Variants in RAD51B observed in about 807,000 individuals in gnomAD.
RAD51B encodes RAD51 paralog B, also known as DNA repair protein RAD51 homolog 2.
In RAD51B, 38 loss-of-function variants were observed where a neutral mutation model predicts 42.2. The observed-to-expected ratio is 0.90, with a 90% CI of 0.70 to 1.18. The LOEUF is 1.18. Ranked by LOEUF, RAD51B falls within the 50% of genes most tolerant of loss-of-function variation. The probability of loss-of-function intolerance (pLI) is 0.00; values close to 1 mark genes in which losing one functional copy is unlikely to be tolerated. For synonymous variants in RAD51B, 154 were observed against 145.2 expected, an observed-to-expected ratio of 1.06 and a Z score of -0.43; for missense variants, 373 against 400.7, an observed-to-expected ratio of 0.93 and a Z score of 0.59.
intron 10 of RAD51B, among the ~76,000 whole-genome samples, chr14:68,606,473 T>A (rs1891450920): frequency 6.6e-6 from 1 of 152,220 alleles, no homozygotes; most frequent in African/African-American, 2.4e-5. Context: ...AATATCACCA[T>A]CTTGTTTTAC....
chr14:68,504,500 CTGATCAT>C (rs935349682), intron 10 of RAD51B, among the ~76,000 whole-genome samples: 3 of 152,184 alleles, frequency 2.0e-5, no homozygotes, highest in Non-Finnish European at 4.4e-5. Flanking sequence ...ATCAGTGCCT[CTGATCAT>C]GAAGACTGGA....
chr14:68,098,943 C>G (rs1595394373), intron 7 of RAD51B, among the ~76,000 whole-genome samples: 1 of 152,124 alleles, frequency 6.6e-6, no homozygotes, highest in Non-Finnish European at 1.5e-5. Context: ...TTTCTGTGCT[C>G]CTATTATGTA....
chr14:67,848,165 G>A (rs955212730), intron 4 of RAD51B, among the ~76,000 whole-genome samples: 6 of 151,956 alleles, frequency 3.9e-5, no homozygotes, highest in Non-Finnish European at 5.9e-5. Context: ...TTACAGGCAC[G>A]TGCCACCACA....
intron 4 of RAD51B, among the ~76,000 whole-genome samples, chr14:67,846,801 T>C (rs2041631554): frequency 6.6e-6 from 1 of 152,138 alleles, no homozygotes; most frequent in Non-Finnish European, 1.5e-5. Flanking sequence ...CTCCTAAGGC[T>C]AAAGTCTCCT....
rs533295402 is a variant in RAD51B, at chr14:68,093,616, G to A, written c.757-198268G>A. ...TTTCTTCTTTATTAGTCTTGCTAGC[G>A]GTCTATCAATTTTGTTGATCTTTTC... On this transcript the variant is annotated intron_variant, in intron 7 of 10. Coordinates refer to ENST00000471583, the MANE Select transcript of RAD51B (RefSeq NM_133510.4). Among the ~76,000 whole-genome samples, 18 of 151,844 alleles carry A rather than the reference G, an allele frequency of 1.2e-4. No homozygotes were observed. In the South Asian group the frequency reaches 1.7e-3, roughly 14 times the overall value.
chr14:68,423,024 C>G (rs2084747339), intron 9 of RAD51B, among the ~76,000 whole-genome samples: 1 of 152,174 alleles, frequency 6.6e-6, no homozygotes, highest in Non-Finnish European at 1.5e-5. Flanking sequence ...GTTCTTGCAT[C>G]TCAGACAAAG....
chr14:68,383,004 T>C (rs767324304), intron 8 of RAD51B, among the ~76,000 whole-genome samples: 21 of 152,324 alleles, frequency 1.4e-4, no homozygotes, highest in South Asian at 1.0e-3. Context: ...CTTATTTTGA[T>C]TCCTCTTTCT....
chr14:68,214,940 G>C (rs554178575), intron 7 of RAD51B, among the ~76,000 whole-genome samples: 1 of 152,132 alleles, frequency 6.6e-6, no homozygotes. Context: ...TGAATCCTTG[G>C]GGGTTCTAAT....
chr14:68,358,403 T>C (rs1004182358), intron 8 of RAD51B, among the ~76,000 whole-genome samples: 10 of 152,224 alleles, frequency 6.6e-5, no homozygotes, highest in Middle Eastern at 3.2e-3. Flanking sequence ...TGATGATCGA[T>C]GGGTCCGAGG....
At chr14:67,850,681 G>GC (rs11369615) in intron 4 of RAD51B, among the ~76,000 whole-genome samples, 9,768 of 152,212 alleles carry the variant, frequency 0.064, 701 homozygotes, top group African/African-American at 0.18. Flanking sequence ...GCTGGGTAGA[G>GC]TGGATAACCT....
chr14:68,671,238 GGAA>G (rs1893151328), intron 11 of RAD51B, among the ~76,000 whole-genome samples: 1 of 152,212 alleles, frequency 6.6e-6, no homozygotes, highest in Admixed American at 6.5e-5. Context: ...GGAGATAGGA[GGAA>G]GAAGTCCAAG....
intron 7 of RAD51B, among the ~76,000 whole-genome samples, chr14:68,278,450 A>G (rs549768179): frequency 6.6e-6 from 1 of 152,320 alleles, no homozygotes; most frequent in Admixed American, 6.5e-5. Context: ...GGAGGTCTGT[A>G]ACTAAGGCAC....
intron 4 of RAD51B, among the ~76,000 whole-genome samples, chr14:67,841,799 C>T (rs1387809788): frequency 6.6e-6 from 1 of 152,094 alleles, no homozygotes; most frequent in South Asian, 2.1e-4. Context: ...GTACCAGTAC[C>T]ATGCCGTTTT....
At chr14:68,095,589 C>G (rs2077178328) in intron 7 of RAD51B, among the ~76,000 whole-genome samples, 1 of 152,064 alleles carries the variant, frequency 6.6e-6, no homozygotes, top group African/African-American at 2.4e-5. Context: ...TGCCCCATCC[C>G]CATTCATTTT....
downstream of RAD51B, among the ~76,000 whole-genome samples, chr14:68,600,396 T>C (rs1054997307): frequency 1.3e-5 from 2 of 152,186 alleles, no homozygotes; most frequent in African/African-American, 2.4e-5. Context: ...TGTCCACCCA[T>C]GTCTAGGGTA....
chr14:67,879,401 C>T (rs1194878562), intron 5 of RAD51B, among the ~76,000 whole-genome samples: 1 of 152,012 alleles, frequency 6.6e-6, no homozygotes, highest in East Asian at 1.9e-4. Context: ...TGTGGACTAG[C>T]CAAGTTGACA....
Position 68,572,940 on chromosome 14 carries a change from G to A in RAD51B, c.1037-21545G>A, listed in dbSNP as rs140592565. On this transcript the variant is annotated intron_variant, in intron 10 of 10. Coordinates refer to the RAD51B transcript ENST00000487270. ...GAATGGGTAGTAGCCCATCTTACGCGTGAGGAGACAAAAGCACAGAGAGAT... is the reference window on the plus strand; with the variant it reads ...GAATGGGTAGTAGCCCATCTTACGCATGAGGAGACAAAAGCACAGAGAGAT... Among the ~76,000 whole-genome samples, 680 of 152,250 alleles carry A rather than the reference G, an allele frequency of 4.5e-3. 7 individuals are homozygous for A. Among genetic ancestry groups the A allele is most frequent in the African/African-American group, 0.015 (625 of 41,540 alleles).
At chr14:68,659,627 G>A (rs543524342) in intron 11 of RAD51B, among the ~76,000 whole-genome samples, 4 of 152,300 alleles carry the variant, frequency 2.6e-5, no homozygotes, top group East Asian at 1.9e-4. Context: ...GCCAAGGGTC[G>A]CTTCCCAGGG....
chr14:68,480,567 A>C (rs557708849), downstream of RAD51B, among the ~76,000 whole-genome samples: 4 of 152,128 alleles, frequency 2.6e-5, no homozygotes, highest in Non-Finnish European at 4.4e-5. Context: ...ATTCTTATCA[A>C]AGTCAGCTCT....
Sources: allele counts gnomAD v4.1 joint callset (sites outside exome capture counted in the v4.1 genomes callset), GRCh38; gene constraint gnomAD v4.1.1; transcripts MANE v1.5; gene names NCBI Gene and HGNC (gene_info 2026-07-23, HGNC 2026-07-21).